The following SPATC1L variants were observed in gnomAD, a reference collection of about 807,000 sequenced individuals.
SPATC1L encodes spermatogenesis and centriole associated 1 like.
A neutral mutation model predicts 21.2 loss-of-function variants in SPATC1L; 20 were observed. The ratio of observed to expected loss-of-function variants is 0.94; its 90% CI spans 0.66 to 1.37. The LOEUF (loss-of-function observed/expected upper bound fraction) is 1.37. Ranked by LOEUF, SPATC1L falls within the 40% of genes most tolerant of loss-of-function variation. The pLI is 0.00. For synonymous variants in SPATC1L, 290 were observed against 234.5 expected, an observed-to-expected ratio of 1.24 and a Z score of -2.16; for missense variants, 499 against 478.7, an observed-to-expected ratio of 1.04 and a Z score of -0.40.
intron 2 of SPATC1L, among the ~76,000 whole-genome samples, chr21:46,176,801 C>T (rs1432355074): frequency 6.6e-6 from 1 of 151,956 alleles, no homozygotes; most frequent in African/African-American, 2.4e-5. Context: ...CATATGGAAC[C>T]AAAAAAGAGC....
intron 2 of SPATC1L, among the ~76,000 whole-genome samples, chr21:46,175,763 T>A (rs1260825149): frequency 3.9e-5 from 6 of 152,154 alleles, no homozygotes; most frequent in African/African-American, 1.4e-4. Flanking sequence ...GGTGAAACTA[T>A]TCCAAAAAGT....
At chr21:46,171,023 G>A (rs1241790659) in intron 2 of SPATC1L, among the ~76,000 whole-genome samples, 1 of 151,972 alleles carries the variant, frequency 6.6e-6, no homozygotes, top group Admixed American at 6.5e-5. Context: ...TTTGTGGATG[G>A]GGAGGAGCCT....
In SPATC1L at chr21:46,161,567, T is replaced by C. The variant is rs2079490520; in HGVS notation, c.835A>G (p.Ile279Val). The C allele has an allele frequency of 6.2e-7, 1 of 1,610,648 alleles. No homozygotes were observed. Among genetic ancestry groups the C allele is most frequent in the Admixed American group, 1.7e-5 (1 of 59,778 alleles). ...DVHPAFSEFLINTYGILKQRP... is the reference protein window; with the variant it reads ...DVHPAFSEFLVNTYGILKQRP... ...TGCTTCAGGATTCCGTAGGTGTTGA[T>C]GAGGAACTCGCTGAACGCCGGGTGC... Residue 279 changes from isoleucine (I) to valine (V), a missense_variant, in exon 5 of 5, where the codon ATC (isoleucine) becomes GTC (valine). Physicochemically the swap from Ile to Val is conservative, Grantham distance 29. Transcript: ENST00000291672.
chr21:46,171,127 C>A (rs2079586703), intron 2 of SPATC1L, among the ~76,000 whole-genome samples: 1 of 152,226 alleles, frequency 6.6e-6, no homozygotes, highest in Admixed American at 6.5e-5. Context: ...CCATGCCCAC[C>A]AACACCTCCT....
chr21:46,171,332 A>T (rs1173495452), intron 2 of SPATC1L, among the ~76,000 whole-genome samples: 4 of 152,120 alleles, frequency 2.6e-5, no homozygotes, highest in Non-Finnish European at 1.5e-5. Flanking sequence ...GAGCCATATC[A>T]AAAAATTATA....
chr21:46,167,118 A>C (rs536660286), intron 3 of SPATC1L, among the ~76,000 whole-genome samples: 28 of 152,364 alleles, frequency 1.8e-4, no homozygotes, highest in Non-Finnish European at 3.2e-4. Flanking sequence ...TAACAAAAGG[A>C]ATTTTGGAAA....
rs896962015 is a variant in SPATC1L, at chr21:46,183,361, C to G, written c.-545G>C. 1.2e-5 allele frequency: 2 copies of G among 168,192 alleles called. No individual in the cohort carries two copies. Among genetic ancestry groups the G allele is most frequent in the African/African-American group, 5.3e-5 (2 of 37,876 alleles). 10.4% of individuals were successfully genotyped at this position (168,192 alleles called of 1,614,324 possible). A position where few individuals can be genotyped will look rare whatever the true frequency, so the allele number is the denominator to read the frequency against. On this transcript the variant is annotated 5_prime_UTR_variant, in exon 2 of 5. Coordinates refer to ENST00000291672, the MANE Select transcript of SPATC1L (RefSeq NM_001142854.2). ...GTTCATCAGGGTCCGTCCTTGGCAC[C>G]CACACTTGAGGAGGGAGGGACTGGC...
chr21:46,176,880 T>C (rs1414843440), intron 2 of SPATC1L, among the ~76,000 whole-genome samples: 1 of 152,142 alleles, frequency 6.6e-6, no homozygotes, highest in East Asian at 1.9e-4. Flanking sequence ...AACTTCAAAC[T>C]ATACTACAGA....
Position 46,161,681 on chromosome 21 carries a change from A to G in SPATC1L, c.721T>C (p.Ser241Pro), listed in dbSNP as rs371946533. ...TCGCGCAGCTTCCTCTCGTCCACGG[A>G]GCCGTCCAGAGACTTGGTGGAGGTC... Reference protein sequence around the residue: ...EQTSTKSLDGSVDERKLRELT... With the variant: ...EQTSTKSLDGPVDERKLRELT... The change falls in exon 5 of 5, where the codon TCC becomes CCC. Residue 241 changes from serine (S) to proline (P), a missense_variant. Physicochemically the swap from Ser to Pro is moderately conservative, Grantham distance 74. Coordinates refer to ENST00000291672, the MANE Select transcript of SPATC1L (RefSeq NM_001142854.2). The G allele has an allele frequency of 1.2e-6, 2 of 1,603,422 alleles. No homozygotes were observed. The highest frequency in any genetic ancestry group is 3.4e-5 in the Admixed American group (2 of 59,356).
intron 2 of SPATC1L, among the ~76,000 whole-genome samples, chr21:46,169,599 G>A (rs77601477): frequency 8.3e-6 from 1 of 121,000 alleles, no homozygotes; most frequent in Non-Finnish European, 1.7e-5. Context: ...CCCCTGCTCT[G>A]TGAGCATCCT....
intron 1 of SPATC1L, 128 bp from the exon 2 acceptor site, chr21:46,183,902 T>TGAGGAGACCAGCCTGGGG (rs2079701964): frequency 2.8e-5 from 1 of 36,300 alleles, no homozygotes; most frequent in Non-Finnish European, 5.1e-5. Context: ...ACCAGCCTGG[T>TGAGGAGACCAGCCTGGGG]GAGGAGACCA....
intron 2 of SPATC1L, among the ~76,000 whole-genome samples, chr21:46,179,977 C>T (rs995542714): frequency 1.3e-5 from 2 of 152,258 alleles, no homozygotes; most frequent in African/African-American, 4.8e-5. Flanking sequence ...CCCTCCTCCT[C>T]CATCAGTGGG....
intron 2 of SPATC1L, among the ~76,000 whole-genome samples, chr21:46,170,039 G>A (rs2079573274): frequency 1.1e-5 from 1 of 88,856 alleles, no homozygotes; most frequent in Non-Finnish European, 2.3e-5. Flanking sequence ...ATCCTCTGTG[G>A]ATGGGGAGGA....
At chr21:46,173,403 C>T (rs1189102269) in intron 2 of SPATC1L, among the ~76,000 whole-genome samples, 1 of 152,134 alleles carries the variant, frequency 6.6e-6, no homozygotes, top group Admixed American at 6.5e-5. Context: ...TTGTAGCTTC[C>T]CCTGGGCCCA....
At chr21:46,184,316 C>T (rs2079707091) in intron 1 of SPATC1L, 40 bp downstream of exon 1, 1 of 154,484 alleles carries the variant, frequency 6.5e-6, no homozygotes, top group African/African-American at 2.4e-5. Context: ...TTGAAACCCA[C>T]CCTGACTCCC....
intron 4 of SPATC1L, 35 bp downstream of exon 4, chr21:46,161,881 C>T (rs768635898): frequency 1.3e-6 from 2 of 1,596,258 alleles, no homozygotes; most frequent in Non-Finnish European, 8.5e-7. Context: ...GAGCGCCCCG[C>T]ACCCTCCTGG....
In SPATC1L at chr21:46,161,291, C is replaced by T; in HGVS notation, c.*88G>A. 1 of 1,295,242 alleles carries T rather than the reference C, an allele frequency of 7.7e-7. No individual in the cohort carries two copies. The highest frequency in any genetic ancestry group is 1.0e-6 in the Non-Finnish European group (1 of 984,676). 80.2% of individuals were successfully genotyped at this position (1,295,242 alleles called of 1,614,324 possible). Reference sequence around the variant, plus strand: ...TCGCGCGCGGGGGACGCGGCCCTTTCCCCTCCGGGGGGACGCGCAGGAGGC... The same window carrying T: ...TCGCGCGCGGGGGACGCGGCCCTTTTCCCTCCGGGGGGACGCGCAGGAGGC... On this transcript the variant is annotated 3_prime_UTR_variant, in exon 5 of 5. Transcript: ENST00000291672.
rs774069732 is a variant in SPATC1L, at chr21:46,161,675, C to G, written c.727G>C (p.Asp243His). ...GTCAGCTCGCGCAGCTTCCTCTCGTCCACGGAGCCGTCCAGAGACTTGGTG... is the reference window on the plus strand; with the variant it reads ...GTCAGCTCGCGCAGCTTCCTCTCGTGCACGGAGCCGTCCAGAGACTTGGTG... ...TSTKSLDGSV[D>H]ERKLRELTQR... is the part of the protein sequence containing the mutation. Residue 243 changes from aspartate (D) to histidine (H), a missense_variant, in exon 5 of 5, where the codon GAC (aspartate) becomes CAC (histidine). Transcript: ENST00000291672. The G allele has an allele frequency of 6.2e-7, 1 of 1,606,028 alleles. No individual in the cohort carries two copies. Among genetic ancestry groups the G allele is most frequent in the African/African-American group, 1.3e-5 (1 of 74,824 alleles).
chr21:46,161,805 G>A (rs984270016), intron 4 of SPATC1L, 100 bp from the exon 5 acceptor site: 49 of 1,498,430 alleles, frequency 3.3e-5, no homozygotes, highest in Non-Finnish European at 4.0e-5. Flanking sequence ...CTGGGTCCCC[G>A]GGGTCCCCTC....
Sources: allele counts gnomAD v4.1 joint callset (sites outside exome capture counted in the v4.1 genomes callset), GRCh38; gene constraint gnomAD v4.1.1; transcripts MANE v1.5; gene names NCBI Gene and HGNC (gene_info 2026-07-23, HGNC 2026-07-21).